Variants in SENP6 observed in about 807,000 individuals in gnomAD.
SENP6 encodes sentrin-specific protease 6.
In SENP6, 41 loss-of-function variants were observed where a neutral mutation model predicts 134.5. The ratio of observed to expected loss-of-function variants is 0.30; its 90% CI spans 0.24 to 0.40. SENP6 has a LOEUF of 0.40. Ranked by LOEUF, SENP6 falls within the 10% of genes least tolerant of loss-of-function variation. The pLI is 1.00. For synonymous variants in SENP6, 395 were observed against 429.8 expected, an observed-to-expected ratio of 0.92 and a Z score of 1.00; for missense variants, 1,248 against 1,312.5, an observed-to-expected ratio of 0.95 and a Z score of 0.76.
chr6:75,623,765 A>G, intron 2 of SENP6, 135 bp from the exon 3 acceptor site: 1 of 622,962 alleles, frequency 1.6e-6, no homozygotes, highest in Admixed American at 3.2e-5. Flanking sequence ...TGGCCTGCAA[A>G]GACTGTGGTT....
At chr6:75,650,576 ATTAT>A (rs769102372) in intron 7 of SENP6, among the ~76,000 whole-genome samples, 182 of 152,262 alleles carry the variant, frequency 1.2e-3, no homozygotes, top group African/African-American at 4.0e-3. Flanking sequence ...ATGATTATTA[ATTAT>A]TTATAGCTGT....
intron 5 of SENP6, among the ~76,000 whole-genome samples, chr6:75,640,282 T>G (rs1769924419): frequency 6.6e-6 from 1 of 152,218 alleles, no homozygotes; most frequent in Non-Finnish European, 1.5e-5. Context: ...GACACCCATT[T>G]TATTTATGAA....
chr6:75,602,676 C>G (rs1766719531), intron 1 of SENP6, 100 bp downstream of exon 1: 1 of 1,257,288 alleles, frequency 8.0e-7, no homozygotes, highest in African/African-American at 1.5e-5. Flanking sequence ...GGGTGGGTTT[C>G]GGGGGCGGTG....
At chr6:75,604,751 C>A (rs1316693593) in intron 1 of SENP6, among the ~76,000 whole-genome samples, 1 of 152,054 alleles carries the variant, frequency 6.6e-6, no homozygotes, top group African/African-American at 2.4e-5. Flanking sequence ...TCCCATGATT[C>A]TTTTGGTGTC....
chr6:75,662,987 C>G (rs1360449091), intron 8 of SENP6, among the ~76,000 whole-genome samples: 9 of 152,130 alleles, frequency 5.9e-5, no homozygotes, highest in Non-Finnish European at 1.3e-4. Flanking sequence ...TAAATCCCGA[C>G]TAACATTACT....
At chr6:75,705,003 A>G (rs751438960) in intron 19 of SENP6, among the ~76,000 whole-genome samples, 7 of 152,208 alleles carry the variant, frequency 4.6e-5, no homozygotes, top group South Asian at 2.1e-4. Context: ...GGGCAAAGCA[A>G]TTGTTCAGGG....
chr6:75,707,835 A>G (rs954419078), intron 19 of SENP6, among the ~76,000 whole-genome samples: 1 of 151,390 alleles, frequency 6.6e-6, no homozygotes, highest in African/African-American at 2.4e-5. Flanking sequence ...GGTGCCCACC[A>G]CTACACCTGG....
intron 16 of SENP6, among the ~76,000 whole-genome samples, chr6:75,694,795 T>TA (rs1203298957): frequency 6.6e-6 from 1 of 152,238 alleles, no homozygotes; most frequent in Non-Finnish European, 1.5e-5. Flanking sequence ...GCATTTTTCT[T>TA]ATGCTTTTGG....
chr6:75,697,702 T>A (rs549369548), intron 18 of SENP6, 185 bp downstream of exon 18: 1 of 521,518 alleles, frequency 1.9e-6, no homozygotes, highest in South Asian at 3.5e-5. Context: ...ATGTAAGATA[T>A]TGAATTTTAG....
intron 5 of SENP6, among the ~76,000 whole-genome samples, chr6:75,639,178 G>A (rs1232971369): frequency 6.6e-6 from 1 of 152,122 alleles, no homozygotes; most frequent in Non-Finnish European, 1.5e-5. Flanking sequence ...TTCTGGAAAT[G>A]CAGCTATATA....
rs756971637 is a variant in SENP6, at chr6:75,675,987, C to T, written c.1554C>T (p.Ser518=). ...QAIPAVYQKL[S]IQLQMNKEDK... ...TTCCAGCAGTTTATCAAAAGCTGAG[C>T]ATCCAACTGCAAATGAATAAGGAGG... Residue 518 remains serine (S), a synonymous_variant, in exon 13 of 24, where the codon AGC becomes AGT. Transcript: ENST00000447266. 6.2e-7 allele frequency: 1 copy of T among 1,612,018 alleles called. No individual in the cohort carries two copies. Among genetic ancestry groups the T allele is most frequent in the East Asian group, 2.2e-5 (1 of 44,742 alleles).
intron 7 of SENP6, among the ~76,000 whole-genome samples, chr6:75,652,919 G>T (rs1265931578): frequency 6.6e-6 from 1 of 151,944 alleles, no homozygotes; most frequent in Non-Finnish European, 1.5e-5. Context: ...TTTTATTTAT[G>T]TCTGCCCATT....
In SENP6 at chr6:75,715,632, A is replaced by G. The variant is rs1026248470; in HGVS notation, c.*38A>G. On this transcript the variant is annotated 3_prime_UTR_variant, in exon 24 of 24. Transcript: ENST00000447266. Reference sequence around the variant, plus strand: ...CTTGTCATTTCTACTTTCAGAAACTAAATGACTTTCAAATTTGGGTATAGA... The same window carrying G: ...CTTGTCATTTCTACTTTCAGAAACTGAATGACTTTCAAATTTGGGTATAGA... 2 of 1,528,460 alleles carry G rather than the reference A, an allele frequency of 1.3e-6. No homozygotes were observed. The highest frequency in any genetic ancestry group is 3.6e-5 in the Admixed American group (2 of 55,376). 94.7% of individuals were successfully genotyped at this position (1,528,460 alleles called of 1,614,324 possible). A position where few individuals can be genotyped will look rare whatever the true frequency, so the allele number is the denominator to read the frequency against.
At chr6:75,695,480 T>TA (rs1283827437) in intron 16 of SENP6, among the ~76,000 whole-genome samples, 3 of 152,208 alleles carry the variant, frequency 2.0e-5, no homozygotes, top group Non-Finnish European at 4.4e-5. Context: ...CTCACGCCTG[T>TA]AATCCCAGCA....
chr6:75,631,345 A>G (rs1769101818), intron 3 of SENP6, among the ~76,000 whole-genome samples: 1 of 152,208 alleles, frequency 6.6e-6, no homozygotes, highest in South Asian at 2.1e-4. Context: ...CTATTCATTG[A>G]TGCAGCAAAT....
chr6:75,715,685 C>T lies in SENP6; in HGVS notation c.*91C>T, dbSNP rs1308150701. ...ATAAAGAACTGAAGTGCTCACTACT[C>T]AGTGATTTGGAAATTTTGATGCTTG... On this transcript the variant is annotated 3_prime_UTR_variant, in exon 24 of 24. Transcript: ENST00000447266. The T allele has an allele frequency of 2.4e-6, 2 of 849,016 alleles. No individual in the cohort carries two copies. The highest frequency in any genetic ancestry group is 3.6e-6 in the Non-Finnish European group (2 of 552,758). The allele number at this position is 849,016 out of a possible 1,614,324, so 52.6% of individuals were successfully genotyped here. A position where few individuals can be genotyped will look rare whatever the true frequency, so the allele number is the denominator to read the frequency against.
intron 16 of SENP6, among the ~76,000 whole-genome samples, chr6:75,687,773 C>T (rs1358511712): frequency 6.6e-6 from 1 of 152,176 alleles, no homozygotes; most frequent in Non-Finnish European, 1.5e-5. Flanking sequence ...CTGGAAGCTT[C>T]GTCCCAGAGG....
chr6:75,685,003 A>G (rs6926474), intron 16 of SENP6, among the ~76,000 whole-genome samples: 40,096 of 152,078 alleles, frequency 0.26, 6,222 homozygotes, highest in Non-Finnish European at 0.37. Flanking sequence ...CTCTGGTAGA[A>G]TTAGGCTGTG....
chr6:75,713,856 T>C (rs1442418222), intron 23 of SENP6, 31 bp downstream of exon 23: 28 of 1,477,442 alleles, frequency 1.9e-5, no homozygotes, highest in Non-Finnish European at 2.6e-5. Flanking sequence ...TCTGCTATAA[T>C]AAATAATAAA....
Sources: allele counts gnomAD v4.1 joint callset (sites outside exome capture counted in the v4.1 genomes callset), GRCh38; gene constraint gnomAD v4.1.1; transcripts MANE v1.5; gene names NCBI Gene and HGNC (gene_info 2026-07-23, HGNC 2026-07-21).